Variants in PRSS35 observed in about 807,000 individuals in gnomAD.
The protein encoded by PRSS35 is serine protease 35.
Under a neutral mutation model 8.1 loss-of-function variants are expected in PRSS35, and 7 were observed. That is an observed-to-expected ratio of 0.86 (90% confidence interval 0.49 to 1.62). The LOEUF is 1.62. PRSS35 is among the 40% of genes most tolerant of loss of function. The pLI is 0.00. For synonymous variants in PRSS35, 199 were observed against 188.7 expected (o/e 1.05, Z -0.45); for missense variants, 566 against 518.0 (o/e 1.09, Z -0.90).
At chr6:83,516,494 T>A (rs1470453053) in intron 1 of PRSS35, among the ~76,000 whole-genome samples, 1 of 145,928 alleles carries the variant, frequency 6.9e-6, no homozygotes, top group African/African-American at 2.6e-5. Flanking sequence ...AAGAATGGCG[T>A]GAACCTGGGA....
At chr6:83,515,839 G>A (rs961985133) in intron 1 of PRSS35, among the ~76,000 whole-genome samples, 91 of 147,086 alleles carry the variant, frequency 6.2e-4, no homozygotes, top group African/African-American at 1.0e-3. Context: ...TTTTTTTGAC[G>A]GAGTCTCGCT....
In PRSS35 at chr6:83,524,459, G is replaced by A. The variant is rs267601142; in HGVS notation, c.1018G>A (p.Asp340Asn). 7 of 1,614,020 alleles carry A rather than the reference G, an allele frequency of 4.3e-6. No homozygotes were observed. The highest frequency in any genetic ancestry group is 5.9e-6 in the Non-Finnish European group (7 of 1,180,016). ...ESNDLLYQYC[D>N]AESGSTGSGV... is the part of the protein sequence containing the mutation. ...CAATGATCTCCTTTACCAATACTGC[G>A]ATGCTGAGTCGGGCTCCACCGGTTC... is the stretch of plus-strand genomic sequence containing the variant. Residue 340 changes from aspartate to asparagine, a missense_variant, in exon 2 of 2, where the codon GAT becomes AAT. Transcript: ENST00000369700.
At chr6:83,516,172 C>T (rs1007044855) in intron 1 of PRSS35, among the ~76,000 whole-genome samples, 1 of 152,188 alleles carries the variant, frequency 6.6e-6, no homozygotes, top group Non-Finnish European at 1.5e-5. Flanking sequence ...AAACTCGATT[C>T]TCACCTTTGT....
chr6:83,514,266 G>T (rs1228116405), intron 1 of PRSS35, among the ~76,000 whole-genome samples: 1 of 152,170 alleles, frequency 6.6e-6, no homozygotes, highest in Non-Finnish European at 1.5e-5. Flanking sequence ...GCATATGAAA[G>T]AGTCCTCTTG....
At position 83,524,545 on chromosome 6, in the gene PRSS35, G is replaced by A. The variant is rs374665215; in HGVS notation, c.1104G>A (p.Ala368=). The A allele has an allele frequency of 3.3e-5, 53 of 1,614,004 alleles. 1 individual carries two copies. In the African/African-American group the frequency reaches 5.7e-4, roughly 17 times the overall value. The change falls in exon 2 of 2, where the codon GCG becomes GCA. Residue 368 remains alanine, a synonymous_variant. Transcript: ENST00000369700. ...DKKNWKRKII[A]VYSGHQWVDV... is the part of the protein sequence containing the mutation. ...AGAATTGGAAGCGCAAAATCATTGC[G>A]GTCTACTCAGGGCACCAGTGGGTGG...
intron 1 of PRSS35, among the ~76,000 whole-genome samples, chr6:83,513,143 G>T (rs1045846172): frequency 3.9e-5 from 6 of 151,978 alleles, no homozygotes; most frequent in Admixed American, 3.3e-4. Context: ...GCGGCGAAAT[G>T]AAGTAGAAAA....
intron 1 of PRSS35, among the ~76,000 whole-genome samples, chr6:83,513,045 A>G (rs930845329): frequency 2.6e-5 from 4 of 152,192 alleles, no homozygotes; most frequent in Admixed American, 6.5e-5. Context: ...CGGGGTTACT[A>G]TGAAAGCTAG....
At chr6:83,517,646 T>C (rs1771748448) in intron 1 of PRSS35, among the ~76,000 whole-genome samples, 1 of 152,226 alleles carries the variant, frequency 6.6e-6, no homozygotes, top group East Asian at 1.9e-4. Context: ...CTCCCTGTTG[T>C]GTGTCAATCC....
chr6:83,516,365 G>A (rs1023251825), intron 1 of PRSS35, among the ~76,000 whole-genome samples: 1 of 151,702 alleles, frequency 6.6e-6, no homozygotes, highest in South Asian at 2.1e-4. Context: ...ACGAGGTCAG[G>A]AGATCGAGAC....
intron 1 of PRSS35, among the ~76,000 whole-genome samples, chr6:83,517,321 C>T (rs1297969446): frequency 6.6e-6 from 1 of 152,122 alleles, no homozygotes; most frequent in Non-Finnish European, 1.5e-5. Flanking sequence ...TTTTTTATTA[C>T]GTTACAGACA....
intron 1 of PRSS35, 138 bp downstream of exon 1, chr6:83,512,832 A>G (rs1054988947): frequency 6.6e-6 from 1 of 152,230 alleles, no homozygotes; most frequent in Non-Finnish European, 1.5e-5. Flanking sequence ...TCAGTCCTCA[A>G]AGAAACTAAC....
In PRSS35 at chr6:83,525,324, G is replaced by A. The variant is rs188596789; in HGVS notation, c.*641G>A. ...CTTTAAGAAATAACAATTACAATGTGTATTATTTAAAAATGGGAGAAATAG... is the reference window on the plus strand; with the variant it reads ...CTTTAAGAAATAACAATTACAATGTATATTATTTAAAAATGGGAGAAATAG... On this transcript the variant is annotated 3_prime_UTR_variant, in exon 2 of 2. Coordinates refer to ENST00000369700, the MANE Select transcript of PRSS35 (RefSeq NM_153362.3). 3.0e-5 allele frequency: 5 copies of A among 167,064 alleles called. No homozygotes were observed. The East Asian group carries it at 5.8e-4, about 19-fold the overall frequency. 10.3% of individuals were successfully genotyped at this position (167,064 alleles called of 1,614,324 possible). A position where few individuals can be genotyped will look rare whatever the true frequency, so the allele number is the denominator to read the frequency against.
rs538217056 is a variant in PRSS35, at chr6:83,524,355, GA to G, written c.916del (p.Met306Ter). 2.5e-6 allele frequency: 4 copies of G among 1,614,168 alleles called. No individual in the cohort carries two copies. In the East Asian group the frequency reaches 8.9e-5, roughly 36 times the overall value. On this transcript the variant is annotated frameshift_variant, in exon 2 of 2. Coordinates refer to ENST00000369700, the MANE Select transcript of PRSS35 (RefSeq NM_153362.3). LOFTEE classifies it high-confidence loss of function. The part of the protein sequence containing the change: ...ISPTIKKMPG[G>X]MIHFSGFDND... ...CCAACGATCAAGAAAATGCCTGGTG[GA>G]ATGATCCACTTCTCAGGATTTGATA...
rs558956407 is a variant in PRSS35, at chr6:83,523,373, A to C, written c.-20-49A>C. 3 of 1,396,152 alleles carry C rather than the reference A, an allele frequency of 2.1e-6. No individual in the cohort carries two copies. In the African/African-American group the frequency reaches 4.3e-5, roughly 20 times the overall value. 86.5% of individuals were successfully genotyped at this position (1,396,152 alleles called of 1,614,324 possible). ...AAGGGCTGAATGAAATGGATAAGTAAGATTTAAAAAGGAAACATTATAAAC... is the reference window on the plus strand; with the variant it reads ...AAGGGCTGAATGAAATGGATAAGTACGATTTAAAAAGGAAACATTATAAAC... On this transcript the variant is annotated intron_variant, in intron 1 of 1. Transcript: ENST00000369700.
chr6:83,519,163 G>A (rs1212999329), intron 1 of PRSS35, among the ~76,000 whole-genome samples: 2 of 152,200 alleles, frequency 1.3e-5, no homozygotes, highest in African/African-American at 4.8e-5. Context: ...GGGTACAAAT[G>A]TGTAATTACA....
At chr6:83,515,462 T>G (rs1306417978) in intron 1 of PRSS35, among the ~76,000 whole-genome samples, 1 of 151,164 alleles carries the variant, frequency 6.6e-6, no homozygotes, top group African/African-American at 2.4e-5. Flanking sequence ...TCATTTATAT[T>G]TTAAGTCCCA....
chr6:83,516,017 G>A (rs1035574240), intron 1 of PRSS35, among the ~76,000 whole-genome samples: 3 of 151,616 alleles, frequency 2.0e-5, no homozygotes, highest in South Asian at 2.1e-4. Context: ...GTTTCACCAC[G>A]TTGGCCAGGC....
chr6:83,513,685 T>C (rs902364261), intron 1 of PRSS35, among the ~76,000 whole-genome samples: 18 of 152,298 alleles, frequency 1.2e-4, no homozygotes, highest in African/African-American at 4.1e-4. Flanking sequence ...GAGGAGTTCC[T>C]TTAGTGAGGG....
intron 1 of PRSS35, among the ~76,000 whole-genome samples, chr6:83,516,797 T>C (rs1357019650): frequency 1.3e-5 from 2 of 152,268 alleles, no homozygotes; most frequent in African/African-American, 4.8e-5. Flanking sequence ...CGCTTACATC[T>C]ATCAGCTCTT....
Sources: gnomAD v4.1 joint callset for allele counts (sites outside exome capture counted in the v4.1 genomes callset) on GRCh38, gnomAD v4.1.1 for gene constraint, MANE v1.5 for transcripts, NCBI Gene and HGNC (gene_info 2026-07-23, HGNC 2026-07-21) for gene names.